The following CREBBP variants were observed in gnomAD, a reference collection of about 807,000 sequenced individuals.
CREBBP encodes CREB binding lysine acetyltransferase.
A neutral mutation model predicts 265.0 loss-of-function variants in CREBBP; 19 were observed. The ratio of observed to expected loss-of-function variants is 0.07; its 90% CI spans 0.05 to 0.11. The LOEUF (loss-of-function observed/expected upper bound fraction) is 0.11, where lower values mean the gene tolerates loss of function less well. Among genes scored for constraint, CREBBP ranks in the 10% least tolerant of loss-of-function variants. The pLI is 1.00. For synonymous variants in CREBBP, 1,457 were observed against 1,223.7 expected, an observed-to-expected ratio of 1.19 and a Z score of -3.98; for missense variants, 2,525 against 3,219.0, an observed-to-expected ratio of 0.78 and a Z score of 5.22.
At chr16:3,806,035 G>A (rs2053822205) in intron 3 of CREBBP, among the ~76,000 whole-genome samples, 1 of 152,234 alleles carries the variant, frequency 6.6e-6, no homozygotes. Flanking sequence ...TGAATCGGGA[G>A]GACTGGGTGA....
chr16:3,879,459 A>C (rs1597098618), intron 1 of CREBBP, among the ~76,000 whole-genome samples: 1 of 152,124 alleles, frequency 6.6e-6, no homozygotes, highest in Non-Finnish European at 1.5e-5. Flanking sequence ...CATCAAAGGT[A>C]CCCTCCGCTG....
chr16:3,736,264 G>T, intron 27 of CREBBP, 61 bp from the exon 28 acceptor site: 2 of 1,547,366 alleles, frequency 1.3e-6, no homozygotes, highest in Non-Finnish European at 8.9e-7. Context: ...CCACCATGGT[G>T]CGACAGACCC....
intron 2 of CREBBP, among the ~76,000 whole-genome samples, chr16:3,835,129 G>A (rs545895970): frequency 3.9e-5 from 6 of 152,018 alleles, no homozygotes; most frequent in South Asian, 4.1e-4. Flanking sequence ...ACTGCACTCC[G>A]GCCTGGGCAA....
At chr16:3,860,023 C>G (rs920633503) in intron 1 of CREBBP, among the ~76,000 whole-genome samples, 1 of 151,994 alleles carries the variant, frequency 6.6e-6, no homozygotes, top group Admixed American at 6.6e-5. Flanking sequence ...TGGTGGGGGG[C>G]GGGGGCAGTC....
intron 28 of CREBBP, 93 bp from the exon 29 acceptor site, chr16:3,732,030 C>T: frequency 6.2e-7 from 1 of 1,608,534 alleles, no homozygotes; most frequent in Non-Finnish European, 8.5e-7. Context: ...TCAGGAAGCT[C>T]AGGCCAAAGT....
At chr16:3,819,604 GACA>G (rs1451696425) in intron 2 of CREBBP, among the ~76,000 whole-genome samples, 2 of 152,274 alleles carry the variant, frequency 1.3e-5, no homozygotes, top group East Asian at 3.9e-4. Context: ...AAAACACTGT[GACA>G]ACAACAATCT....
chr16:3,851,306 T>TAAAAA lies in CREBBP; in HGVS notation c.86-302_86-298dup, dbSNP rs1160251196. On this transcript the variant is annotated intron_variant, in intron 1 of 30. Transcript: ENST00000262367. ...ACCGTCTCAAAAAAAAAAAAAAAAT[T>TAAAAA]AAAAAAAAAAAAAAAAAAAGAGTAA... Among the ~76,000 whole-genome samples, 264 of 76,460 alleles carry TAAAAA rather than the reference T, an allele frequency of 3.5e-3. 1 individual carries two copies. The highest frequency in any genetic ancestry group is 7.6e-3 in the East Asian group (22 of 2,896). The allele number at this position is 76,460 out of a possible 152,430, so 50.2% of individuals were successfully genotyped here. A position where few individuals can be genotyped will look rare whatever the true frequency, so the allele number is the denominator to read the frequency against.
At chr16:3,876,429 A>AAAC (rs2055404857) in intron 1 of CREBBP, among the ~76,000 whole-genome samples, 2 of 146,732 alleles carry the variant, frequency 1.4e-5, no homozygotes, top group East Asian at 2.0e-4. Context: ...AAAAAAAACA[A>AAAC]CCCAGAAAAC....
intron 25 of CREBBP, chr16:3,739,304 G>A: frequency 2.0e-6 from 1 of 500,028 alleles, no homozygotes; most frequent in Non-Finnish European, 3.6e-6. Flanking sequence ...GTGCCAGGCT[G>A]TCCCATCCCA....
At chr16:3,808,920 G>A (rs1481435817) in intron 3 of CREBBP, among the ~76,000 whole-genome samples, 1 of 152,162 alleles carries the variant, frequency 6.6e-6, no homozygotes, top group Non-Finnish European at 1.5e-5. Context: ...GATCTGTGTG[G>A]TGCCAGAGCC....
chr16:3,781,767 A>G (rs1037554243), intron 6 of CREBBP, among the ~76,000 whole-genome samples: 2 of 152,212 alleles, frequency 1.3e-5, no homozygotes, highest in Admixed American at 1.3e-4. Flanking sequence ...TCTTCCTATT[A>G]AAGGAAACGA....
chr16:3,774,878 G>A (rs1028126033), intron 11 of CREBBP, 185 bp from the exon 12 acceptor site: 8 of 789,618 alleles, frequency 1.0e-5, no homozygotes, highest in African/African-American at 3.5e-5. Flanking sequence ...CAGAGAAAAC[G>A]GCATCAATGT....
chr16:3,818,726 G>A (rs925966884), intron 2 of CREBBP, among the ~76,000 whole-genome samples: 2 of 152,190 alleles, frequency 1.3e-5, no homozygotes, highest in Non-Finnish European at 2.9e-5. Flanking sequence ...ACAATACACA[G>A]CAGACCACTC....
chr16:3,761,193 A>C (rs1230145243), intron 16 of CREBBP, among the ~76,000 whole-genome samples: 1 of 152,076 alleles, frequency 6.6e-6, no homozygotes, highest in Non-Finnish European at 1.5e-5. Flanking sequence ...ACCTCAGGTG[A>C]TGTGATCTGC....
chr16:3,803,461 C>T (rs185809685), intron 3 of CREBBP, among the ~76,000 whole-genome samples: 9 of 151,886 alleles, frequency 5.9e-5, no homozygotes, highest in African/African-American at 1.9e-4. Flanking sequence ...GCCAAGATCG[C>T]GCCACTGCAC....
At position 3,771,003 on chromosome 16, in the gene CREBBP, G is replaced by C. The variant is rs2052993665; in HGVS notation, c.2464-17C>G. 10 of 1,612,366 alleles carry C rather than the reference G, an allele frequency of 6.2e-6. No homozygotes were observed. Among genetic ancestry groups the C allele is most frequent in the Non-Finnish European group, 8.5e-6 (10 of 1,179,392 alleles). ...CACCTGTCCCTACCAGAAATGGACA[G>C]AGTATGGTAAAATTATTTCCCCCGT... On this transcript the variant is annotated splice_polypyrimidine_tract_variant and intron_variant, in intron 13 of 30. Transcript: ENST00000262367.
chr16:3,811,492 ATTTAT>A (rs1189340946), intron 2 of CREBBP, among the ~76,000 whole-genome samples: 1 of 151,594 alleles, frequency 6.6e-6, no homozygotes, highest in African/African-American at 2.4e-5. Flanking sequence ...TTATGGTTTT[ATTTAT>A]TTATTTTAAT....
intron 2 of CREBBP, among the ~76,000 whole-genome samples, chr16:3,837,547 C>T (rs566602293): frequency 4.0e-5 from 6 of 151,590 alleles, no homozygotes; most frequent in Admixed American, 1.3e-4. Context: ...ACCCGGGAGG[C>T]GGAGGTTGCA....
At chr16:3,771,588 A>C (rs2053009906) in intron 13 of CREBBP, among the ~76,000 whole-genome samples, 2 of 151,980 alleles carry the variant, frequency 1.3e-5, no homozygotes, top group African/African-American at 4.8e-5. Flanking sequence ...CAAGACCCCC[A>C]GTCTTGGAAC....
Sources: gnomAD v4.1 joint callset for allele counts (sites outside exome capture counted in the v4.1 genomes callset) on GRCh38, gnomAD v4.1.1 for gene constraint, MANE v1.5 for transcripts, NCBI Gene and HGNC (gene_info 2026-07-23, HGNC 2026-07-21) for gene names.